BMPER: variants seen among roughly 807,000 people sequenced by gnomAD.
BMPER encodes the protein BMP-binding endothelial regulator protein.
A neutral mutation model predicts 87.3 loss-of-function variants in BMPER; 45 were observed. That is an observed-to-expected ratio of 0.52 (90% CI 0.41 to 0.66). The LOEUF (loss-of-function observed/expected upper bound fraction) is 0.66. BMPER is among the 30% of genes least tolerant of loss of function. The pLI is 0.00. For missense variants in BMPER, 784 were observed against 867.5 expected (o/e 0.90, Z 1.21); for synonymous variants, 326 against 316.2 (o/e 1.03, Z -0.33).
intron 5 of BMPER, among the ~76,000 whole-genome samples, chr7:33,972,574 G>C (rs915716228): frequency 6.6e-6 from 1 of 152,024 alleles, no homozygotes; most frequent in South Asian, 2.1e-4. Context: ...AAGAGTAAGC[G>C]CCTGCCTGAG....
intron 6 of BMPER, among the ~76,000 whole-genome samples, chr7:34,012,350 A>C (rs1786905719): frequency 6.6e-6 from 1 of 151,960 alleles, no homozygotes; most frequent in African/African-American, 2.4e-5. Flanking sequence ...AGTTCTGAAA[A>C]CTGGGATAGG....
chr7:33,970,253 A>C, intron 4 of BMPER, 76 bp from the exon 5 acceptor site: 1 of 1,449,056 alleles, frequency 6.9e-7, no homozygotes, highest in Non-Finnish European at 9.7e-7. Context: ...CACTTCTCCT[A>C]CTTAGGTCAC....
rs1282086570 is a variant in BMPER at position 33,992,189 on chromosome 7, G to A, written c.576+17405G>A. Among the ~76,000 whole-genome samples, 19 of 145,146 alleles carry A rather than the reference G, an allele frequency of 1.3e-4. No homozygotes were observed. The South Asian group carries it at 2.7e-3, about 21-fold the overall frequency. On this transcript the variant is annotated intron_variant, in intron 6 of 14. Coordinates refer to ENST00000649409, the MANE Select transcript of BMPER (RefSeq NM_001365308.1). ...GGTATCCTTGTTGACTTTCTGTCTC[G>A]TTGATCTGTCTAATGTTGACAGTGG...
At chr7:33,990,054 C>T in intron 6 of BMPER, among the ~76,000 whole-genome samples, 1 of 151,732 alleles carries the variant, frequency 6.6e-6, no homozygotes, top group Non-Finnish European at 1.5e-5. Flanking sequence ...TAGTGTGATG[C>T]CTCCAGCTTT....
At chr7:34,114,535 G>C (rs746205348) in intron 13 of BMPER, among the ~76,000 whole-genome samples, 1 of 152,220 alleles carries the variant, frequency 6.6e-6, no homozygotes, top group Non-Finnish European at 1.5e-5. Context: ...GCAAATAAAA[G>C]AGGCAGCTTT....
intron 6 of BMPER, among the ~76,000 whole-genome samples, chr7:34,001,390 CTT>C (rs368294029): frequency 6.6e-6 from 1 of 151,784 alleles, no homozygotes; most frequent in African/African-American, 2.4e-5. Flanking sequence ...AATTTTTCTT[CTT>C]GAGTCAGATT....
intron 6 of BMPER, among the ~76,000 whole-genome samples, chr7:33,994,441 C>G (rs542425159): frequency 6.6e-6 from 1 of 152,170 alleles, no homozygotes; most frequent in Non-Finnish European, 1.5e-5. Context: ...TGACCCCTTG[C>G]GCTTCCCAAG....
At chr7:33,943,825 A>G (rs1417955190) in intron 3 of BMPER, among the ~76,000 whole-genome samples, 2 of 152,134 alleles carry the variant, frequency 1.3e-5, no homozygotes, top group African/African-American at 4.8e-5. Flanking sequence ...CTCCTGACCC[A>G]GTTCTCTCCT....
intron 6 of BMPER, among the ~76,000 whole-genome samples, chr7:33,979,790 G>A: frequency 6.6e-6 from 1 of 152,200 alleles, no homozygotes; most frequent in East Asian, 1.9e-4. Context: ...CAAGTGGCTT[G>A]TATACGCCAT....
chr7:34,045,268 T>C (rs1056127097), intron 6 of BMPER, among the ~76,000 whole-genome samples: 1 of 152,210 alleles, frequency 6.6e-6, no homozygotes, highest in African/African-American at 2.4e-5. Flanking sequence ...TTCTATTGCA[T>C]AGGATAGTTT....
At chr7:34,024,527 C>T (rs1362140695) in intron 6 of BMPER, among the ~76,000 whole-genome samples, 1 of 146,470 alleles carries the variant, frequency 6.8e-6, no homozygotes, top group Non-Finnish European at 1.5e-5. Context: ...CTTTGTTTCT[C>T]ATAGGTATCC....
chr7:34,114,365 A>T (rs1002858916), intron 13 of BMPER, among the ~76,000 whole-genome samples: 2 of 152,168 alleles, frequency 1.3e-5, no homozygotes, highest in East Asian at 3.8e-4. Context: ...TTCGAACCAG[A>T]TTTGACACAT....
intron 6 of BMPER, among the ~76,000 whole-genome samples, chr7:34,022,189 CT>C: frequency 6.6e-6 from 1 of 152,138 alleles, no homozygotes; most frequent in South Asian, 2.1e-4. Context: ...CTGGAAGCTG[CT>C]TTAATTTGGA....
intron 6 of BMPER, among the ~76,000 whole-genome samples, chr7:34,010,337 G>A (rs143294137): frequency 1.0e-3 from 158 of 151,852 alleles, no homozygotes; most frequent in African/African-American, 3.6e-3. Flanking sequence ...GTGTAGATGA[G>A]ATAGTCAAAA....
chr7:33,906,737 G>A, intron 1 of BMPER, 81 bp from the exon 2 acceptor site: 1 of 1,265,850 alleles, frequency 7.9e-7, no homozygotes. Flanking sequence ...TTTCAAAAAG[G>A]ATTAGTGTAA....
intron 3 of BMPER, among the ~76,000 whole-genome samples, chr7:33,963,388 T>G (rs777867899): frequency 4.6e-5 from 7 of 152,196 alleles, no homozygotes; most frequent in Non-Finnish European, 1.0e-4. Flanking sequence ...CTGTGCCTAT[T>G]ACATGTAATA....
intron 2 of BMPER, among the ~76,000 whole-genome samples, chr7:33,907,896 T>A (rs1783862383): frequency 6.6e-6 from 1 of 152,180 alleles, no homozygotes; most frequent in Non-Finnish European, 1.5e-5. Flanking sequence ...CTACATAAAT[T>A]TTTTCATGAC....
chr7:34,107,183 C>T (rs1438429701), intron 13 of BMPER, among the ~76,000 whole-genome samples: 1 of 152,192 alleles, frequency 6.6e-6, no homozygotes, highest in South Asian at 2.1e-4. Context: ...TTCACGTCTC[C>T]TAGTGTGAGG....
intron 13 of BMPER, among the ~76,000 whole-genome samples, chr7:34,120,705 A>G (rs4720150): frequency 0.76 from 116,140 of 152,152 alleles, 44,926 homozygotes; most frequent in East Asian, 0.95. Flanking sequence ...GCCATTTGGA[A>G]TAGTTTTAAT....
Sources: gnomAD v4.1 joint callset for allele counts (sites outside exome capture counted in the v4.1 genomes callset) on GRCh38, gnomAD v4.1.1 for gene constraint, MANE v1.5 for transcripts, NCBI Gene and HGNC (gene_info 2026-07-23, HGNC 2026-07-21) for gene names.